Variants in PTPN4 observed in about 807,000 individuals in gnomAD.
The protein encoded by PTPN4 is protein tyrosine phosphatase non-receptor type 4.
Under a neutral mutation model 135.5 loss-of-function variants are expected in PTPN4, and 49 were observed. That is an observed-to-expected ratio of 0.36 (90% CI 0.29 to 0.46). The LOEUF is 0.46. Among genes scored for constraint, PTPN4 ranks in the 20% least tolerant of loss-of-function variants. The probability of loss-of-function intolerance (pLI) is 1.00; values close to 1 mark genes in which losing one functional copy is unlikely to be tolerated. For synonymous variants in PTPN4, 333 were observed against 369.9 expected (o/e 0.90, Z 1.14); for missense variants, 860 against 1,101.0 (o/e 0.78, Z 3.10).
intron 2 of PTPN4, among the ~76,000 whole-genome samples, chr2:119,857,622 C>A (rs927369167): frequency 6.6e-6 from 1 of 150,778 alleles, no homozygotes; most frequent in African/African-American, 2.4e-5. Context: ...ACCCTAACTG[C>A]CTAAAATAAT....
At chr2:119,849,754 C>T (rs1414343250) in intron 2 of PTPN4, among the ~76,000 whole-genome samples, 3 of 152,218 alleles carry the variant, frequency 2.0e-5, no homozygotes, top group African/African-American at 7.2e-5. Context: ...CAGCATTAGG[C>T]ATTCTCACAG....
intron 2 of PTPN4, among the ~76,000 whole-genome samples, chr2:119,857,290 G>A (rs1368847281): frequency 6.6e-6 from 1 of 152,130 alleles, no homozygotes; most frequent in Non-Finnish European, 1.5e-5. Flanking sequence ...CAGCACTTTG[G>A]GAGGCCAAGG....
At chr2:119,954,804 T>C (rs1417787507) in intron 19 of PTPN4, among the ~76,000 whole-genome samples, 1 of 152,222 alleles carries the variant, frequency 6.6e-6, no homozygotes. Context: ...TAGTTAAACA[T>C]ATGGTATATA....
chr2:119,838,887 A>G (rs1187474152), intron 2 of PTPN4, among the ~76,000 whole-genome samples: 1 of 152,224 alleles, frequency 6.6e-6, no homozygotes, highest in East Asian at 1.9e-4. Flanking sequence ...TTAACAGCCT[A>G]CTGGGGATTT....
At chr2:119,901,780 A>C (rs1473074284) in intron 10 of PTPN4, among the ~76,000 whole-genome samples, 1 of 152,218 alleles carries the variant, frequency 6.6e-6, no homozygotes, top group Non-Finnish European at 1.5e-5. Context: ...CAGAGATGGA[A>C]ACCTTATGAG....
At chr2:119,875,729 C>T (rs1031842288) in intron 3 of PTPN4, among the ~76,000 whole-genome samples, 6 of 151,970 alleles carry the variant, frequency 3.9e-5, no homozygotes, top group Admixed American at 2.6e-4. Flanking sequence ...AGGTGTGTGC[C>T]ACTGCTTTTG....
intron 1 of PTPN4, among the ~76,000 whole-genome samples, chr2:119,778,248 A>G (rs1690874528): frequency 6.6e-6 from 1 of 152,196 alleles, no homozygotes; most frequent in South Asian, 2.1e-4. Flanking sequence ...GGAGAGGGAG[A>G]GAGGGAAAGA....
chr2:119,956,750 C>T lies in PTPN4; in HGVS notation c.1981-94C>T. On this transcript the variant is annotated intron_variant, in intron 20 of 26. Transcript: ENST00000263708. ...GATGACCTATTCAAAGGCAAAGAAACCTGTTTCCTGTTAGTGTAGAAACAA... is the reference window on the plus strand; with the variant it reads ...GATGACCTATTCAAAGGCAAAGAAATCTGTTTCCTGTTAGTGTAGAAACAA... The T allele has an allele frequency of 2.6e-6, 4 of 1,564,840 alleles. No homozygotes were observed. The South Asian group carries it at 3.6e-5, about 14-fold the overall frequency.
At position 119,869,504 on chromosome 2, in the gene PTPN4, A is replaced by G. The variant is rs72969185; in HGVS notation, c.246+6861A>G. 6.7e-3 allele frequency among the ~76,000 whole-genome samples: 1,022 copies of G among 152,260 alleles called. 10 individuals carry two copies. The highest frequency in any genetic ancestry group is 0.024 in the African/African-American group (985 of 41,546). ...CATGCATAGTTCAGCTGTCAGCCAG[A>G]GTTTGGAGCTAATCCTCTTTCTGAG... is the stretch of plus-strand genomic sequence containing the variant. On this transcript the variant is annotated intron_variant, in intron 3 of 26. Transcript: ENST00000263708.
chr2:119,815,257 A>G (rs187426261), intron 2 of PTPN4, among the ~76,000 whole-genome samples: 10 of 152,288 alleles, frequency 6.6e-5, no homozygotes, highest in Admixed American at 4.6e-4. Flanking sequence ...TTCTTTGTTA[A>G]GAGAGAATAA....
chr2:119,971,472 A>G (rs902262110), intron 26 of PTPN4, among the ~76,000 whole-genome samples: 1 of 152,160 alleles, frequency 6.6e-6, no homozygotes, highest in South Asian at 2.1e-4. Context: ...ATTTATTTGT[A>G]TATATTTTTT....
intron 1 of PTPN4, among the ~76,000 whole-genome samples, chr2:119,776,097 A>G (rs988233432): frequency 1.3e-5 from 2 of 152,218 alleles, no homozygotes; most frequent in East Asian, 3.8e-4. Flanking sequence ...CTTTTACAAC[A>G]TGGACCCTTC....
At chr2:119,901,327 CATAA>C (rs1678400386) in intron 10 of PTPN4, among the ~76,000 whole-genome samples, 1 of 152,156 alleles carries the variant, frequency 6.6e-6, no homozygotes, top group East Asian at 1.9e-4. Flanking sequence ...CAACATGGCT[CATAA>C]ATAATAACAG....
intron 10 of PTPN4, among the ~76,000 whole-genome samples, chr2:119,906,233 G>A (rs1325477284): frequency 6.6e-6 from 1 of 152,108 alleles, no homozygotes; most frequent in Admixed American, 6.5e-5. Context: ...TCTAGGTGTG[G>A]TGGCACATGC....
At chr2:119,957,215 TAAAGAAAATA>T in intron 22 of PTPN4, 138 bp downstream of exon 22, 1 of 793,292 alleles carries the variant, frequency 1.3e-6, no homozygotes, top group Non-Finnish European at 1.9e-6. Context: ...GAAGTAATAT[TAAAGAAAATA>T]TTTTGGTACT....
At chr2:119,885,905 G>C in intron 9 of PTPN4, 23 bp downstream of exon 9, 1 of 1,487,156 alleles carries the variant, frequency 6.7e-7, no homozygotes, top group Non-Finnish European at 9.1e-7. Context: ...AACTTACTTT[G>C]ATGTTGTTGA....
chr2:119,920,271 T>C (rs747214846), intron 12 of PTPN4, 30 bp downstream of exon 12: 5 of 1,538,438 alleles, frequency 3.3e-6, no homozygotes, highest in African/African-American at 1.4e-5. Context: ...TAAGGCTTTA[T>C]TGTTGGATTT....
chr2:119,781,308 A>G (rs867656651), intron 1 of PTPN4, among the ~76,000 whole-genome samples: 5 of 152,296 alleles, frequency 3.3e-5, no homozygotes, highest in Admixed American at 1.3e-4. Context: ...TTTGACTTCT[A>G]GGTTCTAGTG....
chr2:119,915,280 C>T, intron 11 of PTPN4, 38 bp downstream of exon 11: 1 of 1,463,748 alleles, frequency 6.8e-7, no homozygotes, highest in Non-Finnish European at 9.2e-7. Context: ...ATAAATGAAG[C>T]CTTTTAAGAA....
Sources: gnomAD v4.1 joint callset for allele counts (sites outside exome capture counted in the v4.1 genomes callset) on GRCh38, gnomAD v4.1.1 for gene constraint, MANE v1.5 for transcripts, NCBI Gene and HGNC (gene_info 2026-07-23, HGNC 2026-07-21) for gene names.